Variants in NLRP11 observed in about 807,000 individuals in gnomAD.
NLRP11 encodes NACHT, LRR and PYD domains-containing protein 11.
Under a neutral mutation model 79.3 loss-of-function variants are expected in NLRP11, and 53 were observed. The ratio of observed to expected loss-of-function variants is 0.67; its 90% CI spans 0.54 to 0.84. NLRP11 has a LOEUF of 0.84. Among genes scored for constraint, NLRP11 ranks in the 40% least tolerant of loss-of-function variants. The pLI, the probability that NLRP11 is intolerant of heterozygous loss-of-function variation, is 0.00. For missense variants in NLRP11, 1,264 were observed against 1,255.0 expected (o/e 1.01, Z -0.11); for synonymous variants, 518 against 462.6 (o/e 1.12, Z -1.54).
At chr19:55,815,420 T>C (rs1273048388) in intron 2 of NLRP11, among the ~76,000 whole-genome samples, 6 of 94,682 alleles carry the variant, frequency 6.3e-5, no homozygotes, top group Non-Finnish European at 1.1e-4. Context: ...TCCCAGCTAC[T>C]CAGGAGGCTA....
chr19:55,794,676 C>T (rs368566776), intron 6 of NLRP11, among the ~76,000 whole-genome samples: 169 of 152,082 alleles, frequency 1.1e-3, no homozygotes, highest in African/African-American at 3.6e-3. Flanking sequence ...AGGAGAATGG[C>T]GTGAACCCGG....
rs1568631007 is a variant in NLRP11 at position 55,797,992 on chromosome 19, TA to T, written c.2172-1743del. Among the ~76,000 whole-genome samples the T allele has an allele frequency of 5.2e-4, 72 of 139,690 alleles. 1 individual carries two copies. Among genetic ancestry groups the T allele is most frequent in the African/African-American group, 2.0e-3 (70 of 35,894 alleles). The allele number at this position is 139,690 out of a possible 152,430, so 91.6% of individuals were successfully genotyped here. A position where few individuals can be genotyped will look rare whatever the true frequency, so the allele number is the denominator to read the frequency against. On this transcript the variant is annotated intron_variant, in intron 5 of 9. Transcript: ENST00000589093. ...CAGCGTGAAATGGTGTATTCTATAT[TA>T]TTATTATTTTTTTTTTTTTTGAGAT...
At chr19:55,795,052 C>T (rs1363496849) in intron 6 of NLRP11, among the ~76,000 whole-genome samples, 2 of 152,038 alleles carry the variant, frequency 1.3e-5, no homozygotes, top group Admixed American at 6.6e-5. Flanking sequence ...TTAAATACAC[C>T]GAGCTACTTA....
exon 6 of NLRP11, chr19:55,796,207 C>A: frequency 1.2e-6 from 2 of 1,613,680 alleles, no homozygotes; most frequent in Non-Finnish European, 1.7e-6. Flanking sequence ...AGGAGAGAGG[C>A]GATTTCTTCA....
At chr19:55,799,246 G>C (rs1979239776) in intron 5 of NLRP11, among the ~76,000 whole-genome samples, 1 of 151,852 alleles carries the variant, frequency 6.6e-6, no homozygotes, top group Non-Finnish European at 1.5e-5. Context: ...CAGCCTAGGT[G>C]ACAGCAAGAC....
At chr19:55,791,622 A>G (rs1363299879) in intron 7 of NLRP11, among the ~76,000 whole-genome samples, 1 of 152,166 alleles carries the variant, frequency 6.6e-6, no homozygotes, top group Non-Finnish European at 1.5e-5. Flanking sequence ...GAAATAGAAC[A>G]TTTTCAAGAG....
chr19:55,789,538 A>G (rs1349638754), intron 7 of NLRP11, 139 bp from the exon 8 acceptor site: 2 of 723,364 alleles, frequency 2.8e-6, no homozygotes, highest in Admixed American at 5.7e-5. Flanking sequence ...CAGTGTTAAC[A>G]TCTACAGGTC....
At chr19:55,792,244 AC>A (rs1978336257) in intron 7 of NLRP11, 56 bp downstream of exon 7, 1 of 1,492,030 alleles carries the variant, frequency 6.7e-7, no homozygotes, top group African/African-American at 1.4e-5. Flanking sequence ...CAACCCCACC[AC>A]CCAAGCCCTC....
At chr19:55,798,993 T>G (rs758194532) in intron 5 of NLRP11, among the ~76,000 whole-genome samples, 1 of 152,186 alleles carries the variant, frequency 6.6e-6, no homozygotes, top group Non-Finnish European at 1.5e-5. Context: ...CAAGAAAATC[T>G]GTATTTGAAA....
At chr19:55,800,203 A>G (rs1979342021) in intron 5 of NLRP11, among the ~76,000 whole-genome samples, 1 of 152,204 alleles carries the variant, frequency 6.6e-6, no homozygotes, top group Non-Finnish European at 1.5e-5. Flanking sequence ...ATTATCCAAT[A>G]TTGAGTCACC....
intron 2 of NLRP11, 29 bp downstream of exon 2, chr19:55,817,875 C>T: frequency 6.6e-7 from 1 of 1,511,378 alleles, no homozygotes; most frequent in Non-Finnish European, 9.0e-7. Context: ...GCCCTGATTT[C>T]TGCCCACCCT....
chr19:55,813,016 T>C (rs1453336851), intron 2 of NLRP11, among the ~76,000 whole-genome samples: 1 of 152,290 alleles, frequency 6.6e-6, no homozygotes, highest in East Asian at 1.9e-4. Context: ...GTCAAAGGCA[T>C]GTTGAAAACT....
At chr19:55,820,890 G>A (rs1323717640) in intron 1 of NLRP11, among the ~76,000 whole-genome samples, 1 of 152,130 alleles carries the variant, frequency 6.6e-6, no homozygotes, top group Non-Finnish European at 1.5e-5. Context: ...GTACAGAAGA[G>A]AGTTAACATG....
chr19:55,810,063 C>T, exon 3 of NLRP11: 1 of 1,614,102 alleles, frequency 6.2e-7, no homozygotes, highest in Non-Finnish European at 8.5e-7. Flanking sequence ...AGGTGAACGA[C>T]GTACGAGATC....
At chr19:55,821,748 G>A (rs1176574419) in intron 1 of NLRP11, among the ~76,000 whole-genome samples, 1 of 147,782 alleles carries the variant, frequency 6.8e-6, no homozygotes, top group East Asian at 2.0e-4. Flanking sequence ...AGTGATGGGA[G>A]AACCCATTAA....
exon 3 of NLRP11, chr19:55,810,016 G>C (rs761022024): frequency 6.2e-7 from 1 of 1,614,186 alleles, no homozygotes; most frequent in East Asian, 2.2e-5. Context: ...GCTCAGCCAA[G>C]CTGCTGTTGG....
chr19:55,831,381 GC>G (rs1982773842), intron 1 of NLRP11, among the ~76,000 whole-genome samples: 1 of 151,510 alleles, frequency 6.6e-6, no homozygotes, highest in Admixed American at 6.6e-5. Flanking sequence ...AGACAACATG[GC>G]GAAACCCCAT....
chr19:55,813,862 A>G (rs1242317298), intron 2 of NLRP11, among the ~76,000 whole-genome samples: 1 of 152,180 alleles, frequency 6.6e-6, no homozygotes, highest in African/African-American at 2.4e-5. Flanking sequence ...GGTCTCCAGG[A>G]AAGCCTTCTC....
At chr19:55,815,843 A>G (rs10411142) in intron 2 of NLRP11, among the ~76,000 whole-genome samples, 15,732 of 152,246 alleles carry the variant, frequency 0.1, 1,235 homozygotes, top group African/African-American at 0.21. Flanking sequence ...TCATCACATC[A>G]GGGACAGGGG....
Sources: gnomAD v4.1 joint callset for allele counts (sites outside exome capture counted in the v4.1 genomes callset) on GRCh38, gnomAD v4.1.1 for gene constraint, MANE v1.5 for transcripts, NCBI Gene and HGNC (gene_info 2026-07-23, HGNC 2026-07-21) for gene names.